Variants in TMEM130 observed in about 807,000 individuals in gnomAD.
TMEM130 encodes transmembrane protein 130.
A neutral mutation model predicts 42.9 loss-of-function variants in TMEM130; 37 were observed. The ratio of observed to expected loss-of-function variants is 0.86; its 90% CI spans 0.66 to 1.13. TMEM130 has a LOEUF of 1.13. Among genes scored for constraint, TMEM130 ranks in the 50% most tolerant of loss-of-function variants. TMEM130 has a pLI of 0.00. For missense variants in TMEM130, 545 were observed against 562.6 expected (o/e 0.97, Z 0.32); for synonymous variants, 259 against 237.7 (o/e 1.09, Z -0.82).
chr7:98,855,157 G>A, intron 5 of TMEM130, 83 bp downstream of exon 5: 1 of 1,285,810 alleles, frequency 7.8e-7, no homozygotes, highest in Non-Finnish European at 1.1e-6. Flanking sequence ...GCCTGTCACA[G>A]AGCAGAACAG....
At chr7:98,863,492 C>T (rs1794835979) in intron 1 of TMEM130, 92 bp from the exon 2 acceptor site, 1 of 1,298,808 alleles carries the variant, frequency 7.7e-7, no homozygotes, top group Admixed American at 2.8e-5. Flanking sequence ...TATTCTATTT[C>T]CCAGGTGGAG....
intron 1 of TMEM130, among the ~76,000 whole-genome samples, chr7:98,868,748 T>G (rs1794963570): frequency 6.6e-6 from 1 of 152,220 alleles, no homozygotes; most frequent in South Asian, 2.1e-4. Context: ...AATAATTAAT[T>G]CACTTTTGTT....
At chr7:98,855,475 C>A in intron 4 of TMEM130, 151 bp from the exon 5 acceptor site, 1 of 613,474 alleles carries the variant, frequency 1.6e-6, no homozygotes, top group Non-Finnish European at 2.7e-6. Context: ...CCTCTGGGTC[C>A]TGCCCTCCCC....
At chr7:98,852,707 AC>A in intron 5 of TMEM130, among the ~76,000 whole-genome samples, 2 of 150,106 alleles carry the variant, frequency 1.3e-5, no homozygotes, top group Middle Eastern at 7.0e-3. Context: ...TGAGTCTTCC[AC>A]CTCAGCCTCC....
At chr7:98,865,397 C>T (rs1298971532) in intron 1 of TMEM130, among the ~76,000 whole-genome samples, 6 of 152,154 alleles carry the variant, frequency 3.9e-5, no homozygotes, top group Admixed American at 1.3e-4. Flanking sequence ...CACCTGAGGT[C>T]AGGAGTTCCA....
At position 98,851,506 on chromosome 7, in the gene TMEM130, G is replaced by C; in HGVS notation, c.921C>G (p.Asp307Glu). ...GGATGCTGAAGCAGTAGTCCCCAGG[G>C]TCCCTGAAGGTGTGGGTCAGGTTGT... ...TAYNLTHTFRDPGDYCFSIRA... is the reference protein window; with the variant it reads ...TAYNLTHTFREPGDYCFSIRA... The change falls in exon 6 of 8, where the codon GAC (aspartate) becomes GAG (glutamate). Residue 307 changes from aspartate (D) to glutamate (E), a missense_variant. Transcript: ENST00000339375. 1 of 1,614,108 alleles carries C rather than the reference G, an allele frequency of 6.2e-7. No homozygotes were observed. Among genetic ancestry groups the C allele is most frequent in the Non-Finnish European group, 8.5e-7 (1 of 1,180,018 alleles).
At position 98,848,690 on chromosome 7, in the gene TMEM130, G is replaced by A; in HGVS notation, c.1012C>T (p.Gln338Ter). 6.2e-7 allele frequency: 1 copy of A among 1,609,122 alleles called. No individual in the cohort carries two copies. The highest frequency in any genetic ancestry group is 8.5e-7 in the Non-Finnish European group (1 of 1,175,430). The part of the protein sequence containing the change: ...HKIQVWPSRI[Q>*]PAVFAFPCAT... ...CATGGGAAAGCAAAGACAGCCGGCT[G>A]GATTCCTGGGAATGAAAGAAGTAAC... is the stretch of plus-strand genomic sequence containing the variant. Residue 338 changes from glutamine (Q) to a stop codon, truncating the protein, a stop_gained, in exon 7 of 8, where the codon CAG (glutamine) becomes TAG (stop). Transcript: ENST00000339375. LOFTEE classifies it high-confidence loss of function.
In TMEM130 at chr7:98,847,982, G is replaced by A; in HGVS notation, c.*74C>T. 1.4e-6 allele frequency: 2 copies of A among 1,460,662 alleles called. No homozygotes were observed. Among genetic ancestry groups the A allele is most frequent in the Middle Eastern group, 2.3e-4 (1 of 4,360 alleles). 90.5% of individuals were successfully genotyped at this position (1,460,662 alleles called of 1,614,324 possible). A position where few individuals can be genotyped will look rare whatever the true frequency, so the allele number is the denominator to read the frequency against. On this transcript the variant is annotated 3_prime_UTR_variant, in exon 8 of 8. Coordinates refer to ENST00000339375, the MANE Select transcript of TMEM130 (RefSeq NM_152913.3). ...CGCAAATGAACCCCTCCTGGTCAGT[G>A]GTGCACACCACCCTGCTGGAAACTC... is the stretch of plus-strand genomic sequence containing the variant.
chr7:98,851,537 G>T lies in TMEM130; in HGVS notation c.890C>A (p.Thr297Lys). ...GAAGGTGTGGGTCAGGTTGTACGCTGTGCTGGCCACGGACACAGGGTGGCA... is the reference window on the plus strand; with the variant it reads ...GAAGGTGTGGGTCAGGTTGTACGCTTTGCTGGCCACGGACACAGGGTGGCA... ...GECHPVSVAS[T>K]AYNLTHTFRD... The change falls in exon 6 of 8, where the codon ACA becomes AAA. Residue 297 changes from threonine to lysine, a missense_variant. Transcript: ENST00000339375. 6.2e-7 allele frequency: 1 copy of T among 1,614,156 alleles called. No homozygotes were observed.
rs567964200 is a variant in TMEM130 at position 98,851,973 on chromosome 7, G to T, written c.804-350C>A. Among the ~76,000 whole-genome samples the T allele has an allele frequency of 4.6e-5, 7 of 152,176 alleles. No homozygotes were observed. In the South Asian group the frequency reaches 1.5e-3, roughly 32 times the overall value. On this transcript the variant is annotated intron_variant, in intron 5 of 7. Coordinates refer to ENST00000339375, the MANE Select transcript of TMEM130 (RefSeq NM_152913.3). ...TGTGTTTTGCATTTTACGAGACAGG[G>T]ACTCACTCTATTACCCAGGCTGAAG... is the stretch of plus-strand genomic sequence containing the variant.
chr7:98,855,921 AC>A, intron 4 of TMEM130, 95 bp downstream of exon 4: 25 of 1,389,432 alleles, frequency 1.8e-5, no homozygotes, highest in Non-Finnish European at 2.4e-5. Context: ...GCTCCAGAAG[AC>A]AGGGCGTGAG....
intron 1 of TMEM130, among the ~76,000 whole-genome samples, chr7:98,867,532 C>T (rs1364894457): frequency 6.6e-6 from 1 of 152,198 alleles, no homozygotes; most frequent in African/African-American, 2.4e-5. Flanking sequence ...GTAGCAGGGA[C>T]ATTCGGCTGC....
chr7:98,848,087 A>G lies in TMEM130; in HGVS notation c.1241T>C (p.Leu414Pro), dbSNP rs138134759. Residue 414 changes from leucine (L) to proline (P), a missense_variant, in exon 8 of 8, where the codon CTC (leucine) becomes CCC (proline). Physicochemically the swap from Leu to Pro is moderately conservative, Grantham distance 98 (BLOSUM62 -3). Coordinates refer to ENST00000339375, the MANE Select transcript of TMEM130 (RefSeq NM_152913.3). ...GGTGTAAGTTTTGACAGACTTATAG[A>G]GGGGCGGGAGCAGCCCGTGGTTCTC... Reference protein sequence around the residue: ...VRENHGLLPPLYKSVKTYTV With the variant: ...VRENHGLLPPPYKSVKTYTV 6.2e-7 allele frequency: 1 copy of G among 1,613,816 alleles called. No individual in the cohort carries two copies. The highest frequency in any genetic ancestry group is 1.3e-5 in the African/African-American group (1 of 74,884).
chr7:98,850,273 A>ATATATATTTTTTTTTTT, intron 6 of TMEM130, among the ~76,000 whole-genome samples: 3 of 35,452 alleles, frequency 8.5e-5, no homozygotes, highest in Non-Finnish European at 1.9e-4. Flanking sequence ...ATATATATAT[A>ATATATATTTTTTTTTTT]TTTTTTTTTT....
At position 98,856,643 on chromosome 7, in the gene TMEM130, G is replaced by A. The variant is rs143482667; in HGVS notation, c.552-460C>T. ...CTCCCAAGTAGCAGGGATCACAGGC[G>A]TGTACCACTGTGCCAGGCTAATACA... On this transcript the variant is annotated intron_variant, in intron 3 of 7. Coordinates refer to ENST00000339375, the MANE Select transcript of TMEM130 (RefSeq NM_152913.3). Among the ~76,000 whole-genome samples, 8 of 152,138 alleles carry A rather than the reference G, an allele frequency of 5.3e-5. No individual in the cohort carries two copies. In the East Asian group the frequency reaches 1.4e-3, roughly 26 times the overall value.
intron 6 of TMEM130, among the ~76,000 whole-genome samples, chr7:98,850,109 G>A (rs1192882701): frequency 6.6e-6 from 1 of 150,802 alleles, no homozygotes; most frequent in Non-Finnish European, 1.5e-5. Flanking sequence ...GAGTGCTGTG[G>A]TGTGATCTTG....
At chr7:98,862,260 CAGAGAT>C (rs1221589661) in intron 2 of TMEM130, among the ~76,000 whole-genome samples, 4 of 146,500 alleles carry the variant, frequency 2.7e-5, no homozygotes, top group Non-Finnish European at 5.9e-5. Flanking sequence ...GACATAGAGA[CAGAGAT>C]AAAGAGACAG....
chr7:98,862,769 G>A (rs1794812804), intron 2 of TMEM130, among the ~76,000 whole-genome samples: 1 of 152,044 alleles, frequency 6.6e-6, no homozygotes. Flanking sequence ...CGAAGTGCTG[G>A]GATTACAAGC....
rs1357439814 is a variant in TMEM130 at position 98,847,143 on chromosome 7, C to T, written c.*913G>A. 2 of 152,294 alleles carry T rather than the reference C, an allele frequency of 1.3e-5. No homozygotes were observed. Among genetic ancestry groups the T allele is most frequent in the African/African-American group, 4.8e-5 (2 of 41,466 alleles). 9.4% of individuals were successfully genotyped at this position (152,294 alleles called of 1,614,324 possible). A position where few individuals can be genotyped will look rare whatever the true frequency, so the allele number is the denominator to read the frequency against. ...AAGTGCTGGGATTACAGGCGTGAGC[C>T]ACCGCGCCCGGCCTTGACTCAACCT... On this transcript the variant is annotated 3_prime_UTR_variant, in exon 8 of 8. Coordinates refer to ENST00000339375, the MANE Select transcript of TMEM130 (RefSeq NM_152913.3).
Sources: allele counts gnomAD v4.1 joint callset (sites outside exome capture counted in the v4.1 genomes callset), GRCh38; gene constraint gnomAD v4.1.1; transcripts MANE v1.5; gene names NCBI Gene and HGNC (gene_info 2026-07-23, HGNC 2026-07-21).